EPHA6: variants seen among roughly 807,000 people sequenced by gnomAD.
EPHA6 encodes ephrin type-A receptor 6.
In EPHA6, 50 loss-of-function variants were observed where a neutral mutation model predicts 112.0. That is an observed-to-expected ratio of 0.45 (90% CI 0.36 to 0.56). The LOEUF (loss-of-function observed/expected upper bound fraction) is 0.56. Ranked by LOEUF, EPHA6 falls within the 20% of genes least tolerant of loss-of-function variation. The probability of loss-of-function intolerance (pLI) is 0.00; values close to 1 mark genes in which losing one functional copy is unlikely to be tolerated. For synonymous variants in EPHA6, 529 were observed against 490.7 expected, an observed-to-expected ratio of 1.08 and a Z score of -1.03; for missense variants, 1,280 against 1,417.4, an observed-to-expected ratio of 0.90 and a Z score of 1.56.
intron 5 of EPHA6, among the ~76,000 whole-genome samples, chr3:97,263,231 A>T (rs1253987708): frequency 1.3e-5 from 2 of 152,194 alleles, no homozygotes; most frequent in African/African-American, 2.4e-5. Context: ...AGAAGTGTTT[A>T]AAAGTGTTAT....
chr3:97,659,854 T>C (rs2094158867), intron 14 of EPHA6, among the ~76,000 whole-genome samples: 1 of 152,042 alleles, frequency 6.6e-6, no homozygotes, highest in Admixed American at 6.6e-5. Flanking sequence ...TCACAGAGTT[T>C]AGAACACATT....
At chr3:97,027,388 T>G (rs1001772916) in intron 3 of EPHA6, among the ~76,000 whole-genome samples, 2 of 151,884 alleles carry the variant, frequency 1.3e-5, no homozygotes, top group African/African-American at 4.8e-5. Flanking sequence ...CAAACCCCTA[T>G]GACACAAGTT....
At chr3:96,939,358 T>C (rs2107680907) in intron 2 of EPHA6, among the ~76,000 whole-genome samples, 1 of 152,352 alleles carries the variant, frequency 6.6e-6, no homozygotes, top group South Asian at 2.1e-4. Context: ...TCGAGGAATT[T>C]ATCCACTTCT....
chr3:96,819,699 T>C (rs2033100655), intron 1 of EPHA6, among the ~76,000 whole-genome samples: 2 of 152,146 alleles, frequency 1.3e-5, no homozygotes, highest in African/African-American at 4.8e-5. Flanking sequence ...CAGGATCAAA[T>C]TGCGTATCTC....
chr3:97,002,422 G>A lies in EPHA6; in HGVS notation c.1114+14429G>A, dbSNP rs1369173645. Among the ~76,000 whole-genome samples the A allele has an allele frequency of 2.7e-5, 4 of 146,542 alleles. No homozygotes were observed. In the Admixed American group the frequency reaches 2.7e-4, roughly 10 times the overall value. On this transcript the variant is annotated intron_variant, in intron 3 of 17. Coordinates refer to ENST00000389672, the MANE Select transcript of EPHA6 (RefSeq NM_001080448.3). Reference sequence around the variant, plus strand: ...TCATGAGGGTTGTTTTTTTTTTTCAGAAATTCTCTTTCATCTATTGAGGTG... The same window carrying A: ...TCATGAGGGTTGTTTTTTTTTTTCAAAAATTCTCTTTCATCTATTGAGGTG...
chr3:96,864,491 G>A (rs988430646), intron 1 of EPHA6, among the ~76,000 whole-genome samples: 4 of 152,048 alleles, frequency 2.6e-5, no homozygotes, highest in African/African-American at 7.2e-5. Flanking sequence ...CTCTGGAAAA[G>A]ACAAAGCTAC....
At chr3:97,001,016 T>TTATATATATATATATATATATATA (rs1334953124) in intron 3 of EPHA6, among the ~76,000 whole-genome samples, 22 of 83,278 alleles carry the variant, frequency 2.6e-4, no homozygotes, top group African/African-American at 1.4e-3. Flanking sequence ...AGTCAGAAAT[T>TTATATATATATATATATATATATA]GATATATATA....
chr3:97,296,546 G>T (rs958626481), intron 5 of EPHA6, among the ~76,000 whole-genome samples: 1 of 152,204 alleles, frequency 6.6e-6, no homozygotes, highest in Admixed American at 6.5e-5. Flanking sequence ...CTGAGTGGGG[G>T]TGGGTTGCTG....
chr3:97,573,688 A>C (rs1347828430), intron 11 of EPHA6, among the ~76,000 whole-genome samples: 2 of 152,264 alleles, frequency 1.3e-5, no homozygotes, highest in East Asian at 3.9e-4. Flanking sequence ...TTTTTAAAAT[A>C]AGTGTCTGAT....
At chr3:97,539,006 T>TCTTTCTTTCTTTCTTTCTTTCTTG (rs2107667277) in intron 11 of EPHA6, among the ~76,000 whole-genome samples, 1 of 150,526 alleles carries the variant, frequency 6.6e-6, no homozygotes, top group South Asian at 2.1e-4. Context: ...TTTCTTTCTT[T>TCTTTCTTTCTTTCTTTCTTTCTTG]CTTTCTTTCT....
chr3:97,122,578 A>G (rs1003576548), intron 3 of EPHA6, among the ~76,000 whole-genome samples: 3 of 152,086 alleles, frequency 2.0e-5, no homozygotes, highest in South Asian at 4.1e-4. Flanking sequence ...TTCTCTTGGT[A>G]TCAGGGAACT....
intron 5 of EPHA6, among the ~76,000 whole-genome samples, chr3:97,372,293 T>A (rs1456028421): frequency 6.6e-6 from 1 of 152,010 alleles, no homozygotes; most frequent in African/African-American, 2.4e-5. Flanking sequence ...TTAGGGAAAA[T>A]AGAAAAGGAC....
chr3:97,056,220 C>A (rs1261664923), intron 3 of EPHA6, among the ~76,000 whole-genome samples: 1 of 152,052 alleles, frequency 6.6e-6, no homozygotes, highest in East Asian at 1.9e-4. Context: ...TCTATTGGTG[C>A]TACTATATAA....
chr3:97,554,800 T>G (rs1437233630), intron 11 of EPHA6, among the ~76,000 whole-genome samples: 1 of 152,050 alleles, frequency 6.6e-6, no homozygotes, highest in Admixed American at 6.6e-5. Context: ...GGTCATGTTT[T>G]CTGTTTCTTG....
chr3:97,626,714 T>C (rs986490062), intron 13 of EPHA6, among the ~76,000 whole-genome samples: 4 of 151,794 alleles, frequency 2.6e-5, no homozygotes, highest in Non-Finnish European at 5.9e-5. Flanking sequence ...TAAAGCCAGA[T>C]CATACCAGTT....
chr3:97,398,603 T>C (rs2086818280), intron 5 of EPHA6, among the ~76,000 whole-genome samples: 1 of 151,470 alleles, frequency 6.6e-6, no homozygotes, highest in South Asian at 2.1e-4. Context: ...TCATTTGTTA[T>C]GCCAAAAATA....
At chr3:97,605,205 G>A (rs1031341978) in intron 12 of EPHA6, among the ~76,000 whole-genome samples, 5 of 151,302 alleles carry the variant, frequency 3.3e-5, no homozygotes, top group Non-Finnish European at 7.4e-5. Flanking sequence ...TATGATTTTT[G>A]TCAAGTAGAG....
chr3:97,233,143 C>T (rs1321957867), intron 4 of EPHA6, among the ~76,000 whole-genome samples: 1 of 152,044 alleles, frequency 6.6e-6, no homozygotes, highest in Non-Finnish European at 1.5e-5. Flanking sequence ...GATAGTTTAA[C>T]AGCCACCTGA....
At chr3:97,411,187 G>A (rs1353906314) in intron 6 of EPHA6, among the ~76,000 whole-genome samples, 1 of 151,776 alleles carries the variant, frequency 6.6e-6, no homozygotes, top group Non-Finnish European at 1.5e-5. Flanking sequence ...ACTCATAAAG[G>A]TTTTATATCC....
Sources: allele counts gnomAD v4.1 joint callset (sites outside exome capture counted in the v4.1 genomes callset), GRCh38; gene constraint gnomAD v4.1.1; transcripts MANE v1.5; gene names NCBI Gene and HGNC (gene_info 2026-07-23, HGNC 2026-07-21).